KCNJ16: variants seen among roughly 807,000 people sequenced by gnomAD.
KCNJ16 encodes the protein potassium inwardly rectifying channel subfamily J member 16.
A neutral mutation model predicts 18.5 loss-of-function variants in KCNJ16; 15 were observed. The observed-to-expected ratio is 0.81, with a 90% CI of 0.54 to 1.25. The LOEUF is 1.25. Among genes scored for constraint, KCNJ16 ranks in the 50% most tolerant of loss-of-function variants. KCNJ16 has a pLI of 0.00. For missense variants in KCNJ16, 523 were observed against 525.7 expected (o/e 0.99, Z 0.05); for synonymous variants, 174 against 186.5 (o/e 0.93, Z 0.55).
rs1204207956 is a variant in KCNJ16 at position 70,133,117 on chromosome 17, T to C, written c.1030T>C (p.Leu344=). The C allele has an allele frequency of 3.7e-6, 6 of 1,614,030 alleles. No individual in the cohort carries two copies. The African/African-American group carries it at 8.0e-5, about 22-fold the overall frequency. ...VYAPFCSAKQ[L]DWKDQQLHIE... ...TGCCCCCTTTTGCAGTGCCAAGCAA[T>C]TGGACTGGAAAGACCAGCAGCTCCA... The change falls in exon 4 of 4, where the codon TTG becomes CTG. Residue 344 remains leucine, a synonymous_variant. Coordinates refer to ENST00000392671, the MANE Select transcript of KCNJ16 (RefSeq NM_170741.4).
At chr17:70,087,420 G>A (rs1008956604) in intron 1 of KCNJ16, among the ~76,000 whole-genome samples, 17 of 152,134 alleles carry the variant, frequency 1.1e-4, no homozygotes, top group African/African-American at 3.9e-4. Flanking sequence ...ATCTTAAGGA[G>A]GCCAGGCGCG....
chr17:70,092,134 T>C (rs2072116580), intron 1 of KCNJ16, among the ~76,000 whole-genome samples: 2 of 152,232 alleles, frequency 1.3e-5, no homozygotes, highest in Admixed American at 6.5e-5. Flanking sequence ...TGTGTTTTTA[T>C]TGTTTTATGA....
chr17:70,114,815 A>G (rs2073338409), intron 2 of KCNJ16, among the ~76,000 whole-genome samples: 1 of 152,118 alleles, frequency 6.6e-6, no homozygotes, highest in Admixed American at 6.6e-5. Flanking sequence ...TTGGGTCTAC[A>G]CTTGAAAGAT....
rs182752948 is a variant in KCNJ16 at position 70,132,150 on chromosome 17, G to T, written c.63G>T (p.Pro21=). 3 of 1,614,030 alleles carry T rather than the reference G, an allele frequency of 1.9e-6. No homozygotes were observed. Among genetic ancestry groups the T allele is most frequent in the South Asian group, 2.2e-5 (2 of 91,082 alleles). ...INADAKYPGY[P]PEHIIAEKRR... is the part of the protein sequence containing the mutation. ...CGGACGCAAAATACCCAGGCTACCC[G>T]CCAGAGCACATTATAGCTGAGAAGA... Residue 21 remains proline (P), a synonymous_variant, in exon 4 of 4, where the codon CCG becomes CCT. Coordinates refer to ENST00000392671, the MANE Select transcript of KCNJ16 (RefSeq NM_170741.4).
rs775001497 is a variant in KCNJ16 at position 70,132,339 on chromosome 17, G to A, written c.252G>A (p.Ser84=). ...FVIFSLSYIL[S]WLIFGSVFWL... ...TATTTTCTTTATCTTATATTCTCTC[G>A]TGGTTGATATTTGGCTCTGTCTTTT... is the stretch of plus-strand genomic sequence containing the variant. Residue 84 remains serine, a synonymous_variant, in exon 4 of 4, where the codon TCG becomes TCA. Coordinates refer to ENST00000392671, the MANE Select transcript of KCNJ16 (RefSeq NM_170741.4). 13 of 1,613,984 alleles carry A rather than the reference G, an allele frequency of 8.1e-6. No individual in the cohort carries two copies. The highest frequency in any genetic ancestry group is 2.2e-5 in the South Asian group (2 of 91,080).
intron 2 of KCNJ16, among the ~76,000 whole-genome samples, chr17:70,110,980 T>TA (rs982200666): frequency 6.6e-6 from 1 of 152,126 alleles, no homozygotes; most frequent in Admixed American, 6.6e-5. Context: ...GCTGATATTA[T>TA]AAGGAGAGTG....
At position 70,132,356 on chromosome 17, in the gene KCNJ16, C is replaced by T. The variant is rs34962791; in HGVS notation, c.269C>T (p.Ser90Phe). The T allele has an allele frequency of 6.2e-7, 1 of 1,614,160 alleles. No individual in the cohort carries two copies. Among genetic ancestry groups the T allele is most frequent in the African/African-American group, 1.3e-5 (1 of 75,018 alleles). Residue 90 changes from serine to phenylalanine, a missense_variant, in exon 4 of 4, where the codon TCT becomes TTT. Transcript: ENST00000392671. Reference sequence around the variant, plus strand: ...ATTCTCTCGTGGTTGATATTTGGCTCTGTCTTTTGGCTCATAGCCTTTCAT... The same window carrying T: ...ATTCTCTCGTGGTTGATATTTGGCTTTGTCTTTTGGCTCATAGCCTTTCAT... The part of the protein sequence containing the change: ...SYILSWLIFG[S>F]VFWLIAFHHG...
intron 2 of KCNJ16, among the ~76,000 whole-genome samples, chr17:70,109,202 T>TC (rs1023222112): frequency 2.6e-5 from 4 of 152,144 alleles, no homozygotes; most frequent in African/African-American, 9.7e-5. Flanking sequence ...TGGCTTTTTT[T>TC]CCCCAACATG....
intron 1 of KCNJ16, among the ~76,000 whole-genome samples, chr17:70,097,188 C>T (rs1022633250): frequency 2.0e-5 from 3 of 152,068 alleles, no homozygotes; most frequent in East Asian, 1.9e-4. Context: ...GAGGTTTGTT[C>T]GTTCACTGCA....
chr17:70,114,663 G>A (rs950705614), intron 2 of KCNJ16, among the ~76,000 whole-genome samples: 3 of 152,054 alleles, frequency 2.0e-5, no homozygotes, highest in Non-Finnish European at 4.4e-5. Flanking sequence ...TAGTTCCTCT[G>A]GGCAGTTCTA....
chr17:70,132,473 A>G lies in KCNJ16; in HGVS notation c.386A>G (p.Gln129Arg). Residue 129 changes from glutamine (Q) to arginine (R), a missense_variant, in exon 4 of 4, where the codon CAA becomes CGA. Coordinates refer to ENST00000392671, the MANE Select transcript of KCNJ16 (RefSeq NM_170741.4). ...TGAFLFSLET[Q>R]TTIGYGYRCV... ...GCCTTTTTGTTCTCCCTAGAGACCC[A>G]AACCACCATAGGATATGGTTATCGC... The G allele has an allele frequency of 2.1e-5, 34 of 1,614,174 alleles. No homozygotes were observed. The highest frequency in any genetic ancestry group is 2.9e-5 in the Non-Finnish European group (34 of 1,180,036).
At chr17:70,129,901 C>CATTTATTTATTT (rs36175135) in intron 2 of KCNJ16, among the ~76,000 whole-genome samples, 1 of 144,260 alleles carries the variant, frequency 6.9e-6, no homozygotes, top group African/African-American at 2.5e-5. Flanking sequence ...TAAAACCTTT[C>CATTTATTTATTT]ATTTATTTAT....
In KCNJ16 at chr17:70,119,010, C is replaced by T. The variant is rs574520162; in HGVS notation, c.-190-11869C>T. ...ACAATAGGGGCATTGTACAAACAGG[C>T]GTTGGATAAACATTCCCATTCCAAA... is the stretch of plus-strand genomic sequence containing the variant. On this transcript the variant is annotated intron_variant, in intron 2 of 3. Coordinates refer to ENST00000392671, the MANE Select transcript of KCNJ16 (RefSeq NM_170741.4). 1.3e-4 allele frequency among the ~76,000 whole-genome samples: 20 copies of T among 152,216 alleles called. 2 individuals carry two copies. The South Asian group carries it at 3.5e-3, about 27-fold the overall frequency.
rs770316689 is a variant in KCNJ16 at position 70,133,407 on chromosome 17, T to C, written c.*63T>C. ...TTTATCTTTCAGCCAATCAAGTCGT[T>C]GTAAACGTGGCTTTTTTGAAAGTGT... On this transcript the variant is annotated 3_prime_UTR_variant, in exon 4 of 4. Coordinates refer to ENST00000392671, the MANE Select transcript of KCNJ16 (RefSeq NM_170741.4). 42 of 1,449,870 alleles carry C rather than the reference T, an allele frequency of 2.9e-5. No homozygotes were observed. The highest frequency in any genetic ancestry group is 3.8e-5 in the Non-Finnish European group (40 of 1,064,452). 89.8% of individuals were successfully genotyped at this position (1,449,870 alleles called of 1,614,324 possible).
intron 1 of KCNJ16, among the ~76,000 whole-genome samples, chr17:70,086,222 C>G (rs951287274): frequency 6.6e-6 from 1 of 152,156 alleles, no homozygotes; most frequent in Non-Finnish European, 1.5e-5. Context: ...GTGAAGCAAT[C>G]TTAACTTTTA....
intron 1 of KCNJ16, among the ~76,000 whole-genome samples, chr17:70,090,784 A>C (rs1264885894): frequency 6.6e-6 from 1 of 152,002 alleles, no homozygotes; most frequent in East Asian, 1.9e-4. Context: ...CCGCTAACCC[A>C]CTCACAATAC....
chr17:70,098,984 T>C (rs1032333578), intron 1 of KCNJ16, among the ~76,000 whole-genome samples: 1 of 152,200 alleles, frequency 6.6e-6, no homozygotes, highest in Non-Finnish European at 1.5e-5. Flanking sequence ...AAATCCACAT[T>C]CTGAAGCCTC....
intron 2 of KCNJ16, among the ~76,000 whole-genome samples, chr17:70,106,783 G>A (rs929913988): frequency 6.6e-6 from 1 of 152,174 alleles, no homozygotes; most frequent in African/African-American, 2.4e-5. Flanking sequence ...GCTGAGGTGA[G>A]GGAAGGTATG....
At chr17:70,102,573 C>T (rs543771487) in intron 2 of KCNJ16, among the ~76,000 whole-genome samples, 1 of 152,216 alleles carries the variant, frequency 6.6e-6, no homozygotes, top group African/African-American at 2.4e-5. Flanking sequence ...AATTGCAGGA[C>T]ATTTACTTAA....
Sources: allele counts gnomAD v4.1 joint callset (sites outside exome capture counted in the v4.1 genomes callset), GRCh38; gene constraint gnomAD v4.1.1; transcripts MANE v1.5; gene names NCBI Gene and HGNC (gene_info 2026-07-23, HGNC 2026-07-21).